The following KIAA0586 variants were observed in gnomAD, a reference collection of about 807,000 sequenced individuals.
KIAA0586 encodes KIAA0586, also known as protein TALPID3.
Under a neutral mutation model 169.8 loss-of-function variants are expected in KIAA0586, and 144 were observed. The observed-to-expected ratio is 0.85, with a 90% CI of 0.74 to 0.97. The LOEUF (loss-of-function observed/expected upper bound fraction) is 0.97. Among genes scored for constraint, KIAA0586 ranks in the 50% least tolerant of loss-of-function variants. KIAA0586 has a pLI of 0.00. For synonymous variants in KIAA0586, 625 were observed against 612.4 expected (o/e 1.02, Z -0.30); for missense variants, 1,854 against 1,823.0 (o/e 1.02, Z -0.31).
chr14:58,540,906 C>T (rs2140103455), intron 30 of KIAA0586, among the ~76,000 whole-genome samples: 1 of 152,286 alleles, frequency 6.6e-6, no homozygotes, highest in African/African-American at 2.4e-5. Context: ...TATGATGTTG[C>T]AAATCTGTAG....
chr14:58,541,369 T>C (rs981568730), intron 30 of KIAA0586, among the ~76,000 whole-genome samples: 1 of 152,242 alleles, frequency 6.6e-6, no homozygotes, highest in East Asian at 1.9e-4. Context: ...AGGTCACAGA[T>C]ACTTACTGTG....
At chr14:58,517,032 C>G (rs1343351015) in intron 29 of KIAA0586, among the ~76,000 whole-genome samples, 2 of 152,114 alleles carry the variant, frequency 1.3e-5, no homozygotes, top group African/African-American at 4.8e-5. Flanking sequence ...CCTAAAACTA[C>G]AAAACTTCTA....
chr14:58,547,159 A>G (rs900617395), intron 30 of KIAA0586, among the ~76,000 whole-genome samples: 1 of 151,478 alleles, frequency 6.6e-6, no homozygotes, highest in Non-Finnish European at 1.5e-5. Context: ...CTCTTTTAAA[A>G]AAAAAAAAAA....
In KIAA0586 at chr14:58,469,057, C is replaced by T. The variant is rs577238670; in HGVS notation, c.2442+1135C>T. On this transcript the variant is annotated intron_variant, in intron 16 of 30. Transcript: ENST00000652326. ...TACTGATTTTTGACTGGACACTCCTCCCTGAACAAACGAACTATCCATTTC... is the reference window on the plus strand; with the variant it reads ...TACTGATTTTTGACTGGACACTCCTTCCTGAACAAACGAACTATCCATTTC... Among the ~76,000 whole-genome samples the T allele has an allele frequency of 3.3e-5, 5 of 152,288 alleles. No homozygotes were observed. In the South Asian group the frequency reaches 1.0e-3, roughly 32 times the overall value.
intron 9 of KIAA0586, among the ~76,000 whole-genome samples, chr14:58,454,407 C>T (rs1186961391): frequency 6.6e-6 from 1 of 152,122 alleles, no homozygotes; most frequent in Non-Finnish European, 1.5e-5. Flanking sequence ...TTACTTGATG[C>T]AGCTCTTTTA....
rs139701482 is a variant in KIAA0586 at position 58,500,670 on chromosome 14, G to A, written c.4168+1710G>A. ...CAGAGGGCAGAGGTTGCAGTGAGCC[G>A]AAATCACGCCACTGCACTCCAGCCT... On this transcript the variant is annotated intron_variant, in intron 27 of 30. Transcript: ENST00000652326. 8.7e-3 allele frequency among the ~76,000 whole-genome samples: 1,274 copies of A among 147,084 alleles called. 10 individuals carry two copies. The highest frequency in any genetic ancestry group is 0.018 in the Middle Eastern group (5 of 274).
At chr14:58,430,562 A>G (rs534261657) in intron 2 of KIAA0586, 86 bp from the exon 3 acceptor site, 10 of 750,882 alleles carry the variant, frequency 1.3e-5, no homozygotes, top group Non-Finnish European at 2.3e-5. Context: ...CCCAGAACAC[A>G]GTAGTCACAT....
chr14:58,472,380 G>T, intron 18 of KIAA0586, 101 bp downstream of exon 18: 1 of 517,854 alleles, frequency 1.9e-6, no homozygotes, highest in South Asian at 4.4e-5. Flanking sequence ...AGTGCTTTGA[G>T]ATACTTTCTT....
At chr14:58,484,970 T>C (rs1343741510) in intron 21 of KIAA0586, among the ~76,000 whole-genome samples, 4 of 121,964 alleles carry the variant, frequency 3.3e-5, no homozygotes, top group African/African-American at 1.3e-4. Context: ...GTTTTGCTCA[T>C]GTCGCCCAGG....
intron 7 of KIAA0586, among the ~76,000 whole-genome samples, chr14:58,450,227 G>C (rs1316989234): frequency 6.6e-6 from 1 of 152,056 alleles, no homozygotes; most frequent in African/African-American, 2.4e-5. Flanking sequence ...TTTCATAAGA[G>C]TAAGATTACT....
chr14:58,487,853 A>G (rs747212109), intron 22 of KIAA0586, 34 bp from the exon 23 acceptor site: 10 of 1,411,556 alleles, frequency 7.1e-6, no homozygotes, highest in Non-Finnish European at 9.6e-7. Flanking sequence ...ACTGACTACT[A>G]TCTTTTTCTG....
intron 17 of KIAA0586, among the ~76,000 whole-genome samples, chr14:58,471,581 A>T (rs1248262762): frequency 6.6e-6 from 1 of 152,180 alleles, no homozygotes; most frequent in Non-Finnish European, 1.5e-5. Flanking sequence ...ATCTTTCATG[A>T]TCATAAGTAA....
Position 58,498,872 on chromosome 14 carries a change from C to T in KIAA0586, c.4080C>T (p.Leu1360=). ...AAENILMGHS[L]YMQPPVTNTQ... ...AGAACATCTTAATGGGACATTCTCTCTATATGCAGCCACCTGTCACTAATA... is the reference window on the plus strand; with the variant it reads ...AGAACATCTTAATGGGACATTCTCTTTATATGCAGCCACCTGTCACTAATA... Residue 1360 remains leucine, a synonymous_variant, in exon 27 of 31, where the codon CTC becomes CTT. Coordinates refer to ENST00000652326, the MANE Select transcript of KIAA0586 (RefSeq NM_001329943.3). 1 of 1,613,008 alleles carries T rather than the reference C, an allele frequency of 6.2e-7. No individual in the cohort carries two copies. The highest frequency in any genetic ancestry group is 8.5e-7 in the Non-Finnish European group (1 of 1,179,416).
In KIAA0586 at chr14:58,507,374, A is replaced by G. The variant is rs2044069678; in HGVS notation, c.4169-1181A>G. 1.8e-4 allele frequency among the ~76,000 whole-genome samples: 26 copies of G among 147,344 alleles called. No homozygotes were observed. The Admixed American group carries it at 1.8e-3, about 10-fold the overall frequency. ...CATATATAATATATCATATATATGA[A>G]TTATATATATGATTTATGTATATAA... On this transcript the variant is annotated intron_variant, in intron 27 of 30. Transcript: ENST00000652326.
intron 24 of KIAA0586, 102 bp downstream of exon 24, chr14:58,488,976 A>T: frequency 7.9e-7 from 1 of 1,264,734 alleles, no homozygotes; most frequent in Non-Finnish European, 1.1e-6. Flanking sequence ...TCAAGATTTA[A>T]CATGGTATAG....
At chr14:58,525,109 A>G (rs1376570223) in intron 29 of KIAA0586, among the ~76,000 whole-genome samples, 1 of 152,188 alleles carries the variant, frequency 6.6e-6, no homozygotes, top group Non-Finnish European at 1.5e-5. Flanking sequence ...AAATGAACCT[A>G]TATTTGTCCT....
At chr14:58,476,092 T>G (rs2041599095) in intron 19 of KIAA0586, among the ~76,000 whole-genome samples, 1 of 152,208 alleles carries the variant, frequency 6.6e-6, no homozygotes, top group African/African-American at 2.4e-5. Context: ...AGTGAGATTC[T>G]GTCTCAAAAC....
intron 18 of KIAA0586, among the ~76,000 whole-genome samples, chr14:58,474,195 G>A (rs540105829): frequency 6.6e-6 from 1 of 152,194 alleles, no homozygotes; most frequent in East Asian, 1.9e-4. Flanking sequence ...CCGCCCACCA[G>A]GCCCCATCTC....
chr14:58,547,205 G>A (rs1454361129), intron 30 of KIAA0586, among the ~76,000 whole-genome samples: 24 of 150,974 alleles, frequency 1.6e-4, no homozygotes. Flanking sequence ...TTAATTTCTG[G>A]CTATTATAGT....
Sources: gnomAD v4.1 joint callset for allele counts (sites outside exome capture counted in the v4.1 genomes callset) on GRCh38, gnomAD v4.1.1 for gene constraint, MANE v1.5 for transcripts, NCBI Gene and HGNC (gene_info 2026-07-23, HGNC 2026-07-21) for gene names.